Variants in SLC25A21 observed in about 807,000 individuals in gnomAD.
The protein encoded by SLC25A21 is solute carrier family 25 member 21.
Under a neutral mutation model 43.8 loss-of-function variants are expected in SLC25A21, and 47 were observed. The ratio of observed to expected loss-of-function variants is 1.07; its 90% CI spans 0.85 to 1.37. The LOEUF (loss-of-function observed/expected upper bound fraction) is 1.37. SLC25A21 is among the 40% of genes most tolerant of loss of function. The pLI is 0.00. For missense variants in SLC25A21, 352 were observed against 350.2 expected (o/e 1.00, Z -0.04); for synonymous variants, 131 against 121.3 (o/e 1.08, Z -0.52).
chr14:37,152,646 T>A (rs1963779022), intron 1 of SLC25A21, among the ~76,000 whole-genome samples: 1 of 152,126 alleles, frequency 6.6e-6, no homozygotes, highest in Non-Finnish European at 1.5e-5. Flanking sequence ...CAGACAACAC[T>A]GAAGCCAAAG....
At chr14:37,121,050 T>C (rs1963198483) in intron 1 of SLC25A21, among the ~76,000 whole-genome samples, 1 of 152,174 alleles carries the variant, frequency 6.6e-6, no homozygotes, top group Non-Finnish European at 1.5e-5. Flanking sequence ...CAAGGTCTTT[T>C]AACCTTAAGT....
chr14:37,102,306 G>A (rs761801106), intron 1 of SLC25A21, among the ~76,000 whole-genome samples: 6 of 151,906 alleles, frequency 3.9e-5, no homozygotes, highest in Admixed American at 3.9e-4. Context: ...AGCCAGATGC[G>A]GTGGCACATG....
At chr14:37,105,900 C>T (rs1209317479) in intron 1 of SLC25A21, among the ~76,000 whole-genome samples, 1 of 152,122 alleles carries the variant, frequency 6.6e-6, no homozygotes, top group African/African-American at 2.4e-5. Context: ...ATATTGTTTA[C>T]TGCTGCAGGA....
intron 1 of SLC25A21, among the ~76,000 whole-genome samples, chr14:37,084,073 A>T (rs1962438596): frequency 6.6e-6 from 1 of 152,162 alleles, no homozygotes; most frequent in South Asian, 2.1e-4. Context: ...AATTATTAAC[A>T]CTGGTCTCTT....
At chr14:37,090,381 G>A (rs1279799629) in intron 1 of SLC25A21, among the ~76,000 whole-genome samples, 2 of 152,196 alleles carry the variant, frequency 1.3e-5, no homozygotes, top group African/African-American at 2.4e-5. Flanking sequence ...ATGCCTCCTC[G>A]CACTTCCCAT....
At chr14:36,880,494 G>A (rs1439023858) in intron 1 of SLC25A21, among the ~76,000 whole-genome samples, 1 of 152,118 alleles carries the variant, frequency 6.6e-6, no homozygotes, top group Admixed American at 6.6e-5. Context: ...TTATCTAGAA[G>A]CTCCACGAGG....
intron 3 of SLC25A21, among the ~76,000 whole-genome samples, chr14:36,752,956 A>C (rs1240500763): frequency 6.6e-6 from 1 of 152,196 alleles, no homozygotes; most frequent in Non-Finnish European, 1.5e-5. Context: ...TATATAACCC[A>C]GTCTTGGGTA....
Position 36,768,942 on chromosome 14 carries a change from A to AAC in SLC25A21, c.204-34370_204-34369insGT, listed in dbSNP as rs1555326958. Among the ~76,000 whole-genome samples, 194 of 147,226 alleles carry AAC rather than the reference A, an allele frequency of 1.3e-3. 1 individual carries two copies. The highest frequency in any genetic ancestry group is 4.9e-3 in the African/African-American group (191 of 39,270). On this transcript the variant is annotated intron_variant, in intron 3 of 9. Transcript: ENST00000331299. ...AGACCTCTGTCTCTACCAAAAAAAA[A>AAC]AAAAACAAAAACCTATATCTATCTA...
chr14:37,095,129 G>A (rs1962662167), intron 1 of SLC25A21, among the ~76,000 whole-genome samples: 1 of 152,154 alleles, frequency 6.6e-6, no homozygotes, highest in African/African-American at 2.4e-5. Context: ...AGCTCTATGA[G>A]AGTGGGAATT....
At chr14:36,885,136 T>C (rs77976261) in intron 1 of SLC25A21, among the ~76,000 whole-genome samples, 3,033 of 152,376 alleles carry the variant, frequency 0.02, 53 homozygotes, top group Non-Finnish European at 0.03. Flanking sequence ...AGTTGATTTT[T>C]GTACATGATG....
intron 1 of SLC25A21, among the ~76,000 whole-genome samples, chr14:37,123,354 A>T (rs1034183952): frequency 6.6e-6 from 1 of 152,210 alleles, no homozygotes; most frequent in African/African-American, 2.4e-5. Context: ...TGACAAGAAA[A>T]GAACGTTCAG....
intron 1 of SLC25A21, among the ~76,000 whole-genome samples, chr14:36,949,548 T>C (rs540124652): frequency 6.6e-6 from 1 of 152,324 alleles, no homozygotes; most frequent in South Asian, 2.1e-4. Flanking sequence ...CCCTGCCTCC[T>C]CTGCACTTCC....
In SLC25A21 at chr14:36,680,246, G is replaced by GTCTT; in HGVS notation, c.*408_*411dup. 2.1e-6 allele frequency: 2 copies of GTCTT among 940,502 alleles called. No individual in the cohort carries two copies. Among genetic ancestry groups the GTCTT allele is most frequent in the Non-Finnish European group, 1.3e-6 (1 of 789,614 alleles). The allele number at this position is 940,502 out of a possible 1,614,324, so 58.3% of individuals were successfully genotyped here. On this transcript the variant is annotated 3_prime_UTR_variant, in exon 10 of 10. Transcript: ENST00000331299. ...TTTGGCTTAACTTTTTTTTAATCCA[G>GTCTT]TCTTTGAATAATTTGATTTATTTTC...
chr14:36,699,634 C>A (rs1300025082), intron 7 of SLC25A21, among the ~76,000 whole-genome samples: 1 of 152,166 alleles, frequency 6.6e-6, no homozygotes, highest in African/African-American at 2.4e-5. Flanking sequence ...GCTTTGTTTA[C>A]CTACTCAAGC....
At chr14:36,943,666 A>C (rs2138652668) in intron 1 of SLC25A21, among the ~76,000 whole-genome samples, 1 of 152,232 alleles carries the variant, frequency 6.6e-6, no homozygotes, top group Non-Finnish European at 1.5e-5. Context: ...GTCCTTGTGA[A>C]AGTCTGGGGA....
chr14:37,081,728 G>A (rs1285951258), intron 1 of SLC25A21, among the ~76,000 whole-genome samples: 1 of 152,082 alleles, frequency 6.6e-6, no homozygotes, highest in Non-Finnish European at 1.5e-5. Flanking sequence ...TTCAACTACC[G>A]AAGCTTCAAA....
At chr14:36,749,178 T>G (rs1409817130) in intron 3 of SLC25A21, among the ~76,000 whole-genome samples, 1 of 152,222 alleles carries the variant, frequency 6.6e-6, no homozygotes, top group Non-Finnish European at 1.5e-5. Context: ...TCCTCTACTA[T>G]GTGGCTGTGC....
intron 3 of SLC25A21, among the ~76,000 whole-genome samples, chr14:36,796,041 G>C (rs1414018132): frequency 6.6e-6 from 1 of 152,148 alleles, no homozygotes; most frequent in Non-Finnish European, 1.5e-5. Flanking sequence ...GTGTCTGATT[G>C]AGAGATGAAA....
At chr14:36,802,158 G>A (rs1056554301) in intron 3 of SLC25A21, among the ~76,000 whole-genome samples, 5 of 152,062 alleles carry the variant, frequency 3.3e-5, no homozygotes, top group Non-Finnish European at 5.9e-5. Context: ...CATGGGTGTC[G>A]TAAATTTTCT....
Sources: allele counts gnomAD v4.1 joint callset (sites outside exome capture counted in the v4.1 genomes callset), GRCh38; gene constraint gnomAD v4.1.1; transcripts MANE v1.5; gene names NCBI Gene and HGNC (gene_info 2026-07-23, HGNC 2026-07-21).